Variants in PHKA1 observed in about 807,000 individuals in gnomAD.
PHKA1 encodes phosphorylase b kinase regulatory subunit alpha, skeletal muscle isoform.
PHKA1 carries 60 observed loss-of-function variants against 110.2 expected under a neutral mutation model. The ratio of observed to expected loss-of-function variants is 0.54; its 90% CI spans 0.44 to 0.68. The LOEUF is 0.68. PHKA1 is among the 30% of genes least tolerant of loss of function. PHKA1 has a pLI of 0.00. For synonymous variants in PHKA1, 316 were observed against 333.6 expected, an observed-to-expected ratio of 0.95 and a Z score of 0.58; for missense variants, 801 against 942.5, an observed-to-expected ratio of 0.85 and a Z score of 1.97.
At chrX:72,595,864 G>T (rs142994671) in intron 28 of PHKA1, among the ~76,000 whole-genome samples, 145 of 111,652 alleles carry the variant, frequency 1.3e-3, no homozygotes, top group African/African-American at 4.6e-3. Context: ...AAATGCTGCA[G>T]CCGCTATGGA....
chrX:72,662,370 C>T (rs1231562811), intron 8 of PHKA1, among the ~76,000 whole-genome samples: 1 of 111,735 alleles, frequency 8.9e-6, no homozygotes, highest in African/African-American at 3.3e-5. Context: ...GGCTGCAGTG[C>T]CATGACCTCA....
intron 21 of PHKA1, among the ~76,000 whole-genome samples, chrX:72,618,125 T>C (rs979380602): frequency 2.7e-5 from 3 of 111,954 alleles, no homozygotes; most frequent in Admixed American, 1.9e-4. Context: ...TGTCACCATC[T>C]ATCTCAACAT....
chrX:72,626,878 T>C, intron 17 of PHKA1, 93 bp downstream of exon 17: 2 of 695,956 alleles, frequency 2.9e-6, no homozygotes, highest in Non-Finnish European at 4.7e-6. Context: ...GGGGGGACTA[T>C]CATACACAGA....
chrX:72,606,286 C>A (rs1306494551), intron 23 of PHKA1, among the ~76,000 whole-genome samples: 1 of 110,699 alleles, frequency 9.0e-6, no homozygotes, highest in Admixed American at 9.7e-5. Flanking sequence ...TTTTTGAAGC[C>A]ATTTTATTAC....
At chrX:72,704,362 T>C (rs1339130202) in intron 3 of PHKA1, among the ~76,000 whole-genome samples, 1 of 111,770 alleles carries the variant, frequency 8.9e-6, no homozygotes, top group Non-Finnish European at 1.9e-5. Flanking sequence ...TGAAATTGCA[T>C]GTTTCCCTAC....
In PHKA1 at chrX:72,616,639, C is replaced by T. The variant is rs781948911; in HGVS notation, c.2369+2071G>A. ...AAACAAACATTGGATTTAAACTGCA[C>T]ACTAGACCAAATGGACCTAATTGAT... On this transcript the variant is annotated intron_variant, in intron 21 of 31. Coordinates refer to ENST00000373542, the MANE Select transcript of PHKA1 (RefSeq NM_002637.4). Among the ~76,000 whole-genome samples, 5 of 111,618 alleles carry T rather than the reference C, an allele frequency of 4.5e-5. No individual in the cohort carries two copies. In the East Asian group the frequency reaches 1.1e-3, roughly 25 times the overall value.
At chrX:72,610,607 T>C (rs937655359) in intron 22 of PHKA1, among the ~76,000 whole-genome samples, 4 of 111,833 alleles carry the variant, frequency 3.6e-5, no homozygotes, top group Admixed American at 9.5e-5. Flanking sequence ...CTCTCCCATA[T>C]ACTGATTTCC....
At chrX:72,711,019 G>A (rs1163246641) in intron 2 of PHKA1, among the ~76,000 whole-genome samples, 1 of 105,645 alleles carries the variant, frequency 9.5e-6, no homozygotes, top group Non-Finnish European at 1.9e-5. Context: ...CCGCTACCAC[G>A]CCCGGCTAAT....
rs782147454 is a variant in PHKA1, at chrX:72,609,715, T to C, written c.2527-12A>G. On this transcript the variant is annotated splice_polypyrimidine_tract_variant and intron_variant, in intron 22 of 31. Transcript: ENST00000373542. ...AGGTCTGTGCAGGCCTAACAAGAGA[T>C]AGCATAATATTATCGTTTCTGTAAC... The C allele has an allele frequency of 1.1e-5, 12 of 1,138,785 alleles. No homozygotes were observed. In the East Asian group the frequency reaches 2.7e-4, roughly 25 times the overall value. 93.8% of individuals were successfully genotyped at this position (1,138,785 alleles called of 1,213,427 possible). A position where few individuals can be genotyped will look rare whatever the true frequency, so the allele number is the denominator to read the frequency against.
At chrX:72,584,422 T>A in intron 29 of PHKA1, 120 bp from the exon 30 acceptor site, 1 of 667,315 alleles carries the variant, frequency 1.5e-6, no homozygotes. Flanking sequence ...ATATGCTGAG[T>A]AATCACAGAC....
At chrX:72,613,396 C>T (rs1817043219) in intron 21 of PHKA1, among the ~76,000 whole-genome samples, 1 of 109,962 alleles carries the variant, frequency 9.1e-6, no homozygotes, top group South Asian at 4.0e-4. Context: ...CACACACACA[C>T]ACACACACAC....
chrX:72,670,927 G>A (rs2147786495), intron 6 of PHKA1, among the ~76,000 whole-genome samples: 1 of 111,642 alleles, frequency 9.0e-6, no homozygotes, highest in Admixed American at 9.5e-5. Context: ...GTATCGATGG[G>A]ACGTATCTCA....
In PHKA1 at chrX:72,603,238, T is replaced by C; in HGVS notation, c.2816-18A>G. On this transcript the variant is annotated intron_variant, in intron 25 of 31. Coordinates refer to ENST00000373542, the MANE Select transcript of PHKA1 (RefSeq NM_002637.4). ...TTCCTCAGCTAGTCAGCAGAAATGTTAGAACAGAAGGACTTCTAATTTGCC... is the reference window on the plus strand; with the variant it reads ...TTCCTCAGCTAGTCAGCAGAAATGTCAGAACAGAAGGACTTCTAATTTGCC... 1 of 1,055,924 alleles carries C rather than the reference T, an allele frequency of 9.5e-7. No homozygotes were observed. The highest frequency in any genetic ancestry group is 1.3e-6 in the Non-Finnish European group (1 of 755,631). 87.0% of individuals were successfully genotyped at this position (1,055,924 alleles called of 1,213,427 possible).
rs547927429 is a variant in PHKA1 at position 72,657,759 on chromosome X, A to G, written c.865-118T>C. 106 of 556,031 alleles carry G rather than the reference A, an allele frequency of 1.9e-4. No individual in the cohort carries two copies. The South Asian group carries it at 2.8e-3, about 15-fold the overall frequency. 45.8% of individuals were successfully genotyped at this position (556,031 alleles called of 1,213,427 possible). A position where few individuals can be genotyped will look rare whatever the true frequency, so the allele number is the denominator to read the frequency against. The stretch of plus-strand genomic sequence containing the variant: ...ACCAACCTATCACCGATAAAGGCAT[A>G]ATGCTTAAAACCAAAAAACCTATAA... On this transcript the variant is annotated intron_variant, in intron 8 of 31. Coordinates refer to ENST00000373542, the MANE Select transcript of PHKA1 (RefSeq NM_002637.4).
At chrX:72,691,616 CATT>C (rs1304637095) in intron 4 of PHKA1, among the ~76,000 whole-genome samples, 1 of 112,185 alleles carries the variant, frequency 8.9e-6, no homozygotes, top group Admixed American at 9.5e-5. Context: ...ATTTATTCCT[CATT>C]ATTTCATTTT....
At chrX:72,657,258 G>T (rs181877837) in intron 9 of PHKA1, among the ~76,000 whole-genome samples, 1 of 112,184 alleles carries the variant, frequency 8.9e-6, no homozygotes, top group Admixed American at 9.4e-5. Flanking sequence ...AAATATTTTG[G>T]GAGAGATACT....
At chrX:72,655,628 T>TC (rs2147765217) in intron 10 of PHKA1, among the ~76,000 whole-genome samples, 1 of 109,183 alleles carries the variant, frequency 9.2e-6, no homozygotes, top group South Asian at 3.9e-4. Flanking sequence ...AACCAAAAAT[T>TC]TTTTTTTTTT....
chrX:72,695,182 A>G (rs1249877029), intron 4 of PHKA1, among the ~76,000 whole-genome samples: 1 of 111,828 alleles, frequency 8.9e-6, no homozygotes, highest in Non-Finnish European at 1.9e-5. Flanking sequence ...ACATTAGTTT[A>G]GGAAGCTCTG....
intron 14 of PHKA1, among the ~76,000 whole-genome samples, chrX:72,641,950 G>A (rs1324312053): frequency 1.8e-5 from 2 of 111,610 alleles, no homozygotes. Context: ...AGATTGTACT[G>A]TGATTATTTA....
Sources: allele counts gnomAD v4.1 joint callset (sites outside exome capture counted in the v4.1 genomes callset), GRCh38; gene constraint gnomAD v4.1.1; transcripts MANE v1.5; gene names NCBI Gene and HGNC (gene_info 2026-07-23, HGNC 2026-07-21).